SLC4A4: variants seen among roughly 807,000 people sequenced by gnomAD.
The protein encoded by SLC4A4 is electrogenic sodium bicarbonate cotransporter 1.
A neutral mutation model predicts 111.5 loss-of-function variants in SLC4A4; 27 were observed. The ratio of observed to expected loss-of-function variants is 0.24; its 90% confidence interval spans 0.18 to 0.33. The LOEUF is 0.33. Ranked by LOEUF, SLC4A4 falls within the 10% of genes least tolerant of loss-of-function variation. The pLI, the probability that SLC4A4 is intolerant of heterozygous loss-of-function variation, is 1.00. For synonymous variants in SLC4A4, 443 were observed against 463.4 expected (o/e 0.96, Z 0.57); for missense variants, 909 against 1,315.5 (o/e 0.69, Z 4.78).
intron 3 of SLC4A4, among the ~76,000 whole-genome samples, chr4:71,331,247 T>G (rs903449525): frequency 2.6e-5 from 4 of 152,126 alleles, no homozygotes; most frequent in South Asian, 4.1e-4. Context: ...ACCCAAAGGA[T>G]TATAAATCAT....
intron 4 of SLC4A4, 119 bp downstream of exon 4, chr4:71,339,624 T>G: frequency 1.1e-6 from 1 of 915,724 alleles, no homozygotes; most frequent in Non-Finnish European, 1.8e-6. Context: ...GGGCATGATG[T>G]TGGCTGGGAT....
intron 2 of SLC4A4, among the ~76,000 whole-genome samples, chr4:71,181,805 C>A (rs961061764): frequency 6.6e-6 from 1 of 152,060 alleles, no homozygotes; most frequent in African/African-American, 2.4e-5. Flanking sequence ...CCTTCCTTGA[C>A]CCCCCCACTT....
intron 2 of SLC4A4, among the ~76,000 whole-genome samples, chr4:71,095,777 G>A (rs567886186): frequency 6.6e-6 from 1 of 152,156 alleles, no homozygotes; most frequent in African/African-American, 2.4e-5. Context: ...TATAATGAGG[G>A]CTATAAAAGA....
At chr4:71,178,639 C>A (rs939439993) in intron 2 of SLC4A4, among the ~76,000 whole-genome samples, 2 of 152,184 alleles carry the variant, frequency 1.3e-5, no homozygotes, top group African/African-American at 4.8e-5. Flanking sequence ...CATACACCCT[C>A]CCAAGACTAA....
At chr4:71,074,879 C>T (rs746305953) in intron 1 of SLC4A4, among the ~76,000 whole-genome samples, 12 of 152,174 alleles carry the variant, frequency 7.9e-5, no homozygotes, top group Non-Finnish European at 1.5e-4. Flanking sequence ...TTCACGCTGG[C>T]ACATTTGCCT....
At chr4:71,466,963 GA>G (rs1452689015) in intron 13 of SLC4A4, among the ~76,000 whole-genome samples, 18,496 of 130,902 alleles carry the variant, frequency 0.14, 1,366 homozygotes, top group African/African-American at 0.26. Flanking sequence ...GAGAGAGAGA[GA>G]GGGAGAGAGA....
chr4:71,390,045 T>C (rs572687891), intron 6 of SLC4A4, among the ~76,000 whole-genome samples: 8 of 152,180 alleles, frequency 5.3e-5, no homozygotes, highest in African/African-American at 1.7e-4. Context: ...AATATTTTTG[T>C]CTTTTATTTA....
chr4:71,173,798 A>C (rs745978908), intron 2 of SLC4A4, among the ~76,000 whole-genome samples: 11 of 152,208 alleles, frequency 7.2e-5, no homozygotes, highest in Non-Finnish European at 1.5e-4. Flanking sequence ...CATGTATGAA[A>C]ATGTAGGGAG....
At chr4:71,168,398 G>A (rs1744842076) in intron 2 of SLC4A4, among the ~76,000 whole-genome samples, 1 of 151,766 alleles carries the variant, frequency 6.6e-6, no homozygotes, top group African/African-American at 2.4e-5. Flanking sequence ...GGCCAGGCTG[G>A]TCTCGAACTC....
At chr4:71,241,973 C>T (rs182831335) in intron 2 of SLC4A4, among the ~76,000 whole-genome samples, 162 of 152,316 alleles carry the variant, frequency 1.1e-3, no homozygotes, top group Non-Finnish European at 1.8e-3. Flanking sequence ...TGCCTGACAT[C>T]TCTTGCTGTG....
Position 71,536,465 on chromosome 4 carries a change from C to CATAT in SLC4A4, c.2442+2096_2442+2099dup, listed in dbSNP as rs869091643. 4.8e-3 allele frequency among the ~76,000 whole-genome samples: 195 copies of CATAT among 40,666 alleles called. 2 individuals carry two copies. Among genetic ancestry groups the CATAT allele is most frequent in the African/African-American group, 0.015 (188 of 12,440 alleles). The allele number at this position is 40,666 out of a possible 152,430, so 26.7% of individuals were successfully genotyped here. A position where few individuals can be genotyped will look rare whatever the true frequency, so the allele number is the denominator to read the frequency against. On this transcript the variant is annotated intron_variant, in intron 18 of 25. Transcript: ENST00000264485. ...GCATATATACATATATACATATATA[C>CATAT]ATATATATATATATATATATATGTA...
intron 3 of SLC4A4, among the ~76,000 whole-genome samples, chr4:71,277,255 A>G (rs1218742584): frequency 6.6e-6 from 1 of 152,122 alleles, no homozygotes; most frequent in East Asian, 1.9e-4. Context: ...TTTGCTTTCT[A>G]CTGACAGTGT....
intron 1 of SLC4A4, among the ~76,000 whole-genome samples, chr4:71,208,107 C>A (rs1184589547): frequency 6.6e-6 from 1 of 152,154 alleles, no homozygotes; most frequent in Non-Finnish European, 1.5e-5. Flanking sequence ...CTGTGCCTGG[C>A]TGCTCTCCTC....
intron 6 of SLC4A4, among the ~76,000 whole-genome samples, chr4:71,379,314 T>C (rs1331799069): frequency 6.6e-6 from 1 of 152,170 alleles, no homozygotes; most frequent in Non-Finnish European, 1.5e-5. Flanking sequence ...CCTAATCATC[T>C]CTTGCCATTC....
intron 20 of SLC4A4, among the ~76,000 whole-genome samples, chr4:71,548,689 G>C (rs549752061): frequency 2.0e-5 from 3 of 151,758 alleles, no homozygotes; most frequent in Admixed American, 2.0e-4. Context: ...AATTTTAAAG[G>C]CTTTTAAAAT....
chr4:71,267,405 A>C (rs987167886), intron 3 of SLC4A4, among the ~76,000 whole-genome samples: 2 of 152,224 alleles, frequency 1.3e-5, no homozygotes, highest in African/African-American at 4.8e-5. Context: ...AGAAGAGCAC[A>C]AAACAAGGCT....
intron 1 of SLC4A4, among the ~76,000 whole-genome samples, chr4:71,230,661 C>T (rs1719356529): frequency 1.3e-5 from 2 of 152,232 alleles, no homozygotes; most frequent in African/African-American, 4.8e-5. Context: ...CCCTGCTGCT[C>T]TCTAGGGTGC....
At chr4:71,078,355 G>A (rs1181155551) in intron 1 of SLC4A4, among the ~76,000 whole-genome samples, 1 of 152,028 alleles carries the variant, frequency 6.6e-6, no homozygotes, top group Non-Finnish European at 1.5e-5. Context: ...GCCTTTTTAG[G>A]AAGACACATG....
At position 71,124,114 on chromosome 4, in the gene SLC4A4, A is replaced by G. The variant is rs543184310; in HGVS notation, c.-2+31322A>G. 2.0e-5 allele frequency among the ~76,000 whole-genome samples: 3 copies of G among 151,660 alleles called. No homozygotes were observed. In the South Asian group the frequency reaches 6.2e-4, roughly 32 times the overall value. ...CAAGGGACACACAGACAGTCTGAGA[A>G]TTTGGTATATGAAATAACCACAGAA... On this transcript the variant is annotated intron_variant, in intron 2 of 26. Coordinates refer to the SLC4A4 transcript ENST00000649996.
Sources: allele counts gnomAD v4.1 joint callset (sites outside exome capture counted in the v4.1 genomes callset), GRCh38; gene constraint gnomAD v4.1.1; transcripts MANE v1.5; gene names NCBI Gene and HGNC (gene_info 2026-07-23, HGNC 2026-07-21).